Variants in SOCS2 observed in about 807,000 individuals in gnomAD.
SOCS2 encodes the protein CIS-2.
SOCS2 carries 10 observed loss-of-function variants against 18.6 expected under a neutral mutation model. The observed-to-expected ratio is 0.54, with a 90% CI of 0.33 to 0.91. SOCS2 has a LOEUF of 0.91. Ranked by LOEUF, SOCS2 falls within the 40% of genes least tolerant of loss-of-function variation. The pLI, the probability that SOCS2 is intolerant of heterozygous loss-of-function variation, is 0.02. For missense variants in SOCS2, 231 were observed against 247.2 expected, an observed-to-expected ratio of 0.93 and a Z score of 0.44; for synonymous variants, 104 against 104.0, an observed-to-expected ratio of 1.00 and a Z score of 0.00.
At chr12:93,579,571 C>G (rs979048136), downstream of SOCS2, among the ~76,000 whole-genome samples, 5 of 152,192 alleles carry the variant, frequency 3.3e-5, no homozygotes, top group African/African-American at 1.2e-4. Flanking sequence ...TGCTGTATGT[C>G]TGTAAGTAAG....
chr12:93,596,644 A>G, the SOCS2 span, among the ~76,000 whole-genome samples: 1 of 152,204 alleles, frequency 6.6e-6, no homozygotes, highest in Admixed American at 6.5e-5. Flanking sequence ...CCTGGCTAAT[A>G]TGGCAAAACT....
At chr12:93,570,184 C>T (rs917971348), upstream of SOCS2, 1 of 152,358 alleles carries the variant, frequency 6.6e-6, no homozygotes, top group African/African-American at 2.4e-5. Context: ...CACCAAGCCC[C>T]TTCCGGGCGC....
the SOCS2 span, among the ~76,000 whole-genome samples, chr12:93,599,794 T>G: frequency 3.9e-5 from 6 of 152,352 alleles, 1 homozygote; most frequent in South Asian, 1.2e-3. Context: ...TGTCTTGCTC[T>G]TTTGCCTTCT....
chr12:93,587,831 A>G (rs970527385), downstream of SOCS2, among the ~76,000 whole-genome samples: 4 of 152,224 alleles, frequency 2.6e-5, no homozygotes, highest in African/African-American at 9.6e-5. Context: ...AGAGGAAACC[A>G]ACTAGGAGAT....
chr12:93,612,533 T>C, the SOCS2 span, among the ~76,000 whole-genome samples: 2 of 152,196 alleles, frequency 1.3e-5, no homozygotes, highest in African/African-American at 4.8e-5. Context: ...TTCACTTCTT[T>C]CCATGGTGTT....
At chr12:93,623,807 C>T in the SOCS2 span, among the ~76,000 whole-genome samples, 28 of 152,260 alleles carry the variant, frequency 1.8e-4, no homozygotes, top group South Asian at 2.9e-3. Flanking sequence ...CGAGCTCAAG[C>T]GATTCTCCTG....
intron 1 of SOCS2, chr12:93,573,413 GC>G (rs759491140): frequency 9.5e-6 from 4 of 421,862 alleles, no homozygotes; most frequent in Admixed American, 4.2e-5. Flanking sequence ...CGCGGGCCCC[GC>G]AGGCCCAGCA....
At chr12:93,621,052 C>T in the SOCS2 span, among the ~76,000 whole-genome samples, 154 of 152,156 alleles carry the variant, frequency 1.0e-3, no homozygotes, top group Non-Finnish European at 1.8e-3. Context: ...TGTAACATTT[C>T]ACCATCTTCA....
upstream of SOCS2, chr12:93,571,765 A>G (rs1954261077): frequency 6.0e-6 from 2 of 333,462 alleles, no homozygotes; most frequent in Non-Finnish European, 1.2e-5. Context: ...CTCGTTCCCA[A>G]ATTAAACGTT....
the SOCS2 span, among the ~76,000 whole-genome samples, chr12:93,604,787 G>A: frequency 3.3e-5 from 5 of 151,924 alleles, 1 homozygote; most frequent in Admixed American, 3.3e-4. Flanking sequence ...AGCCCCCATC[G>A]TAGCTGGGAT....
chr12:93,576,331 A>G lies in SOCS2; in HGVS notation c.*1152A>G, dbSNP rs781465849. 17 of 152,502 alleles carry G rather than the reference A, an allele frequency of 1.1e-4. No individual in the cohort carries two copies. The highest frequency in any genetic ancestry group is 2.1e-4 in the Non-Finnish European group (14 of 68,044). The allele number at this position is 152,502 out of a possible 1,614,324, so 9.4% of individuals were successfully genotyped here. On this transcript the variant is annotated 3_prime_UTR_variant, in exon 2 of 2. Coordinates refer to ENST00000551556, the MANE Select transcript of SOCS2 (RefSeq NM_001270471.2). ...GGTAGAACATTACTTGCCATTCTGT[A>G]AAGTTATGGGCTGTACCTGCCCCCT...
chr12:93,595,528 C>T, the SOCS2 span, among the ~76,000 whole-genome samples: 2 of 152,202 alleles, frequency 1.3e-5, no homozygotes, highest in Non-Finnish European at 2.9e-5. Flanking sequence ...AGCTGGAATG[C>T]TTTTCTTCGG....
chr12:93,609,953 A>C, the SOCS2 span, among the ~76,000 whole-genome samples: 1 of 152,330 alleles, frequency 6.6e-6, no homozygotes, highest in Non-Finnish European at 1.5e-5. Flanking sequence ...AAGAGAGAAC[A>C]AGAAAGCAAG....
chr12:93,621,947 A>T, the SOCS2 span, among the ~76,000 whole-genome samples: 1 of 152,206 alleles, frequency 6.6e-6, no homozygotes, highest in Non-Finnish European at 1.5e-5. Context: ...GTGTGATGTG[A>T]GTACTTGCTA....
chr12:93,622,472 C>G, the SOCS2 span, among the ~76,000 whole-genome samples: 2 of 152,206 alleles, frequency 1.3e-5, no homozygotes, highest in East Asian at 3.8e-4. Flanking sequence ...CTCATACCTA[C>G]TGATGCCTCC....
chr12:93,620,346 T>G, the SOCS2 span, among the ~76,000 whole-genome samples: 1 of 152,212 alleles, frequency 6.6e-6, no homozygotes, highest in Non-Finnish European at 1.5e-5. Context: ...GACATTCGGG[T>G]GGATGGCATC....
the SOCS2 span, among the ~76,000 whole-genome samples, chr12:93,611,399 G>A: frequency 2.0e-5 from 3 of 151,942 alleles, no homozygotes; most frequent in African/African-American, 4.8e-5. Context: ...CACCACGCCC[G>A]GCTAATTTTT....
chr12:93,577,456 T>C (rs1954482028), downstream of SOCS2, among the ~76,000 whole-genome samples: 1 of 151,944 alleles, frequency 6.6e-6, no homozygotes, highest in South Asian at 2.1e-4. Flanking sequence ...CAAAGTACAA[T>C]GATGATAGGA....
chr12:93,571,521 C>T (rs1954251821), upstream of SOCS2: 2 of 167,598 alleles, frequency 1.2e-5, no homozygotes, highest in South Asian at 2.3e-4. Context: ...ACCGGCCTGC[C>T]TCCCGCCCTC....
Sources: gnomAD v4.1 joint callset for allele counts (sites outside exome capture counted in the v4.1 genomes callset) on GRCh38, gnomAD v4.1.1 for gene constraint, MANE v1.5 for transcripts, NCBI Gene and HGNC (gene_info 2026-07-23, HGNC 2026-07-21) for gene names.